The following FABP6 variants were observed in gnomAD, a reference collection of about 807,000 sequenced individuals.
FABP6 encodes gastrotropin.
In FABP6, 13 loss-of-function variants were observed where a neutral mutation model predicts 14.9. The observed-to-expected ratio is 0.87, with a 90% CI of 0.57 to 1.39. The LOEUF (loss-of-function observed/expected upper bound fraction) is 1.39, where lower values mean the gene tolerates loss of function less well. Among genes scored for constraint, FABP6 ranks in the 40% most tolerant of loss-of-function variants. FABP6 has a pLI of 0.00. For synonymous variants in FABP6, 75 were observed against 63.6 expected (o/e 1.18, Z -0.85); for missense variants, 161 against 167.2 (o/e 0.96, Z 0.20).
chr5:160,202,321 A>C (rs373602414), intron 2 of FABP6, among the ~76,000 whole-genome samples: 21 of 152,242 alleles, frequency 1.4e-4, no homozygotes, highest in African/African-American at 5.1e-4. Context: ...TTTCCACTTA[A>C]CTCTTCAAAA....
At chr5:160,214,056 C>T (rs958034129) in intron 3 of FABP6, among the ~76,000 whole-genome samples, 4 of 152,144 alleles carry the variant, frequency 2.6e-5, no homozygotes, top group Admixed American at 2.6e-4. Context: ...ATTTTTTAAC[C>T]TAAGCTAGCT....
At chr5:160,235,047 G>A in intron 3 of FABP6, 138 bp downstream of exon 3, 1 of 572,940 alleles carries the variant, frequency 1.7e-6, no homozygotes. Flanking sequence ...AGTGCTGGAT[G>A]CACATGATGT....
At chr5:160,211,566 T>C (rs1334658900) in intron 2 of FABP6, among the ~76,000 whole-genome samples, 1 of 152,152 alleles carries the variant, frequency 6.6e-6, no homozygotes, top group Non-Finnish European at 1.5e-5. Context: ...AGCTGGGACT[T>C]TGAGTCATGA....
chr5:160,203,994 C>T (rs1255787462), intron 2 of FABP6, among the ~76,000 whole-genome samples: 3 of 152,120 alleles, frequency 2.0e-5, no homozygotes, highest in Non-Finnish European at 2.9e-5. Flanking sequence ...AGCCACCGCG[C>T]CCAGCCTCAG....
chr5:160,196,412 G>C (rs930018577), intron 1 of FABP6, among the ~76,000 whole-genome samples: 4 of 152,236 alleles, frequency 2.6e-5, no homozygotes, highest in African/African-American at 9.6e-5. Context: ...TCTGGGGAGA[G>C]AGGCTCTAGG....
At chr5:160,226,596 C>T (rs1274377861), upstream of FABP6, among the ~76,000 whole-genome samples, 4 of 151,554 alleles carry the variant, frequency 2.6e-5, no homozygotes, top group Non-Finnish European at 5.9e-5. Flanking sequence ...GCAAGGTATA[C>T]TTTGTCAAGG....
At chr5:160,212,957 T>C (rs1759924091) in intron 2 of FABP6, among the ~76,000 whole-genome samples, 1 of 152,094 alleles carries the variant, frequency 6.6e-6, no homozygotes, top group South Asian at 2.1e-4. Flanking sequence ...CAGGATGGGA[T>C]GGATTGGGAG....
chr5:160,229,566 C>T lies in FABP6; in HGVS notation c.9C>T (p.Phe3=), dbSNP rs1038581402. The T allele has an allele frequency of 7.4e-6, 12 of 1,614,066 alleles. No individual in the cohort carries two copies. The African/African-American group carries it at 9.3e-5, about 13-fold the overall frequency. ...TCCAGCCTCCCAGCAGCATGGCTTT[C>T]ACCGGCAAGTTCGAGATGGAGAGTG... The part of the protein sequence containing the change: MA[F]TGKFEMESEK... Residue 3 remains phenylalanine (F), a synonymous_variant, in exon 1 of 4, where the codon TTC becomes TTT. Transcript: ENST00000402432.
In FABP6 at chr5:160,238,672, G is replaced by T. The variant is rs746035518; in HGVS notation, c.*13G>T. On this transcript the variant is annotated 3_prime_UTR_variant, in exon 4 of 4. Transcript: ENST00000402432. ...GAGACTGGCCTAAGCAGCCAGGCCC[G>T]GCCCAGGGAGCTACAAACCCACCAA... 1.9e-6 allele frequency: 3 copies of T among 1,613,300 alleles called. No individual in the cohort carries two copies. The highest frequency in any genetic ancestry group is 1.1e-5 in the South Asian group (1 of 91,028).
exon 3 of FABP6, chr5:160,213,740 T>C (rs1561748244): frequency 1.2e-6 from 2 of 1,613,854 alleles, no homozygotes; most frequent in Non-Finnish European, 8.5e-7. Flanking sequence ...ACTCAGGTTC[T>C]GAGAGCTGTG....
chr5:160,193,347 T>C (rs1026142643), intron 1 of FABP6, among the ~76,000 whole-genome samples: 3 of 152,118 alleles, frequency 2.0e-5, no homozygotes, highest in Non-Finnish European at 4.4e-5. Flanking sequence ...TTATAGCTCA[T>C]AAAAGCAGTG....
intron 2 of FABP6, among the ~76,000 whole-genome samples, chr5:160,233,273 C>A (rs1760432378): frequency 6.6e-6 from 1 of 152,050 alleles, no homozygotes; most frequent in South Asian, 2.1e-4. Context: ...AGCCACCGTG[C>A]CCAGCCATAA....
intron 2 of FABP6, among the ~76,000 whole-genome samples, chr5:160,201,752 T>C (rs888917): frequency 0.86 from 128,509 of 149,320 alleles, 54,818 homozygotes; most frequent in Non-Finnish European, 0.91. Flanking sequence ...TTTGAACTCA[T>C]TCATTCATTC....
chr5:160,210,184 A>G (rs1759858045), intron 2 of FABP6, among the ~76,000 whole-genome samples: 1 of 152,224 alleles, frequency 6.6e-6, no homozygotes, highest in Non-Finnish European at 1.5e-5. Context: ...GCAATGAATG[A>G]CAGGTAAGCT....
At position 160,201,499 on chromosome 5, in the gene FABP6, ATG is replaced by A. The variant is rs200642848; in HGVS notation, c.51+2344_51+2345del. Among the ~76,000 whole-genome samples, 644 of 152,270 alleles carry A rather than the reference ATG, an allele frequency of 4.2e-3. 4 individuals carry two copies. The highest frequency in any genetic ancestry group is 0.015 in the African/African-American group (619 of 41,544). ...TATTCTTGGATATTAAGAGAAGTGA[ATG>A]TATTACCTATTTAAAAATAATAATT... On this transcript the variant is annotated intron_variant, in intron 2 of 6. Transcript: ENST00000393980.
At chr5:160,192,486 C>T (rs1206523433) in intron 1 of FABP6, among the ~76,000 whole-genome samples, 3 of 152,282 alleles carry the variant, frequency 2.0e-5, no homozygotes, top group Non-Finnish European at 2.9e-5. Flanking sequence ...GCTTCGCCCA[C>T]ATCTGGCACA....
intron 1 of FABP6, among the ~76,000 whole-genome samples, chr5:160,194,916 G>C (rs62379583): frequency 0.34 from 51,159 of 152,074 alleles, 9,332 homozygotes; most frequent in Non-Finnish European, 0.4. Context: ...TCAGTACATA[G>C]CAGGAGCTCA....
At chr5:160,190,115 T>G (rs1048188352) in intron 1 of FABP6, among the ~76,000 whole-genome samples, 1 of 152,222 alleles carries the variant, frequency 6.6e-6, no homozygotes, top group East Asian at 1.9e-4. Context: ...TTGGAGTTGC[T>G]TATCTATCCA....
At chr5:160,208,869 C>T (rs963276926) in intron 2 of FABP6, among the ~76,000 whole-genome samples, 9 of 150,870 alleles carry the variant, frequency 6.0e-5, no homozygotes, top group South Asian at 2.1e-4. Context: ...CTCTGCCTCC[C>T]GGATTCAAGC....
Sources: allele counts gnomAD v4.1 joint callset (sites outside exome capture counted in the v4.1 genomes callset), GRCh38; gene constraint gnomAD v4.1.1; transcripts MANE v1.5; gene names NCBI Gene and HGNC (gene_info 2026-07-23, HGNC 2026-07-21).